Variants in PDZRN4 observed in about 807,000 individuals in gnomAD.
PDZRN4 encodes the protein PDZ domain-containing RING finger protein 4.
PDZRN4 carries 70 observed loss-of-function variants against 99.0 expected under a neutral mutation model. That is an observed-to-expected ratio of 0.71 (90% CI 0.58 to 0.86). The LOEUF is 0.86. PDZRN4 is among the 40% of genes least tolerant of loss of function. The pLI, the probability that PDZRN4 is intolerant of heterozygous loss-of-function variation, is 0.00. For synonymous variants in PDZRN4, 551 were observed against 501.6 expected (o/e 1.10, Z -1.32); for missense variants, 1,474 against 1,331.2 (o/e 1.11, Z -1.67).
At chr12:41,250,956 T>C (rs545849751) in intron 3 of PDZRN4, among the ~76,000 whole-genome samples, 20 of 152,350 alleles carry the variant, frequency 1.3e-4, no homozygotes, top group African/African-American at 4.6e-4. Context: ...CCACTTTTAC[T>C]TTGACTGGAC....
intron 3 of PDZRN4, among the ~76,000 whole-genome samples, chr12:41,349,963 G>GGTAC (rs112564546): frequency 0.026 from 3,960 of 151,646 alleles, 180 homozygotes; most frequent in African/African-American, 0.089. Flanking sequence ...TGGAGTAAAG[G>GGTAC]GTACAGGAGC....
intron 3 of PDZRN4, among the ~76,000 whole-genome samples, chr12:41,270,320 G>A (rs1263044407): frequency 1.5e-5 from 2 of 132,066 alleles, no homozygotes; most frequent in Admixed American, 7.3e-5. Context: ...TGGTGTGTGT[G>A]TGTGTCTGTG....
At chr12:41,535,908 G>A (rs575549065) in intron 5 of PDZRN4, among the ~76,000 whole-genome samples, 4 of 152,246 alleles carry the variant, frequency 2.6e-5, no homozygotes, top group African/African-American at 9.6e-5. Flanking sequence ...ACCCAGTCTT[G>A]ATATTCTGTC....
At chr12:41,566,984 A>G (rs189527520) in intron 8 of PDZRN4, among the ~76,000 whole-genome samples, 10 of 152,260 alleles carry the variant, frequency 6.6e-5, no homozygotes, top group Admixed American at 2.6e-4. Flanking sequence ...CCAGTTTTCC[A>G]CTTCACTTTG....
intron 3 of PDZRN4, among the ~76,000 whole-genome samples, chr12:41,464,820 CTTTTTTTTT>C (rs5797739): frequency 9.5e-6 from 1 of 104,842 alleles, no homozygotes; most frequent in South Asian, 3.2e-4. Context: ...GCCTGTTGTA[CTTTTTTTTT>C]TTTTTTTTTT....
rs1382910802 is a variant in PDZRN4 at position 41,247,164 on chromosome 12, AG to A, written c.843+52978del. 2.6e-5 allele frequency among the ~76,000 whole-genome samples: 4 copies of A among 152,334 alleles called. No individual in the cohort carries two copies. The East Asian group carries it at 7.7e-4, about 29-fold the overall frequency. On this transcript the variant is annotated intron_variant, in intron 3 of 9. Coordinates refer to ENST00000402685, the MANE Select transcript of PDZRN4 (RefSeq NM_001164595.2). Reference sequence around the variant, plus strand: ...TTAATACCAAAATAATCATGGTCCAAGGTACAACATAAGTAAAAATGTTTAG... The same window carrying A: ...TTAATACCAAAATAATCATGGTCCAAGTACAACATAAGTAAAAATGTTTAG...
At position 41,188,711 on chromosome 12, in the gene PDZRN4, C is replaced by A. The variant is rs868772678; in HGVS notation, c.256C>A (p.Arg86Ser). 9 of 1,556,960 alleles carry A rather than the reference C, an allele frequency of 5.8e-6. No homozygotes were observed. Among genetic ancestry groups the A allele is most frequent in the Non-Finnish European group, 7.7e-6 (9 of 1,162,034 alleles). The change falls in exon 1 of 10, where the codon CGC becomes AGC. Residue 86 changes from arginine to serine, a missense_variant. Physicochemically the swap from Arg to Ser is moderately radical, Grantham distance 110. Coordinates refer to ENST00000402685, the MANE Select transcript of PDZRN4 (RefSeq NM_001164595.2). ...GCGAGTCCAGTGCGACTACCGCGCC[C>A]GCGGCTGCGGCCACTCGGTCAGGCT... The part of the protein sequence containing the change: ...KLRVQCDYRA[R>S]GCGHSVRLHE...
At chr12:41,345,642 T>G (rs1997192) in intron 3 of PDZRN4, among the ~76,000 whole-genome samples, 131,870 of 152,160 alleles carry the variant, frequency 0.87, 57,759 homozygotes, top group Middle Eastern at 0.95. Flanking sequence ...ATCTACTTCT[T>G]TTGGGATAGA....
rs375964031 is a variant in PDZRN4 at position 41,509,789 on chromosome 12, C to T, written c.1101-22C>T. 5.5e-5 allele frequency: 61 copies of T among 1,100,570 alleles called. No individual in the cohort carries two copies. In the African/African-American group the frequency reaches 7.0e-4, roughly 13 times the overall value. The allele number at this position is 1,100,570 out of a possible 1,614,324, so 68.2% of individuals were successfully genotyped here. Reference sequence around the variant, plus strand: ...AACAACCCATTTAATCTATTCCTATCATATTGCTACATTCCCCATAGCTGC... The same window carrying T: ...AACAACCCATTTAATCTATTCCTATTATATTGCTACATTCCCCATAGCTGC... On this transcript the variant is annotated intron_variant, in intron 4 of 9. Coordinates refer to ENST00000402685, the MANE Select transcript of PDZRN4 (RefSeq NM_001164595.2).
At chr12:41,384,357 T>C (rs1952150396) in intron 3 of PDZRN4, among the ~76,000 whole-genome samples, 1 of 152,180 alleles carries the variant, frequency 6.6e-6, no homozygotes, top group African/African-American at 2.4e-5. Context: ...AATATCCTCC[T>C]TACTCAGTGT....
chr12:41,411,068 T>TATATATATATA (rs1555141008), intron 3 of PDZRN4, among the ~76,000 whole-genome samples: 5 of 84,002 alleles, frequency 6.0e-5, no homozygotes, highest in African/African-American at 3.1e-4. Flanking sequence ...TATATATATA[T>TATATATATATA]TTTTTTTTTA....
intron 3 of PDZRN4, among the ~76,000 whole-genome samples, chr12:41,362,450 T>G (rs1463478019): frequency 2.4e-5 from 1 of 41,746 alleles, no homozygotes; most frequent in Non-Finnish European, 1.1e-4. Flanking sequence ...TAAGCTTGAA[T>G]TTTTGTCTAA....
intron 3 of PDZRN4, among the ~76,000 whole-genome samples, chr12:41,211,662 G>T (rs1048771109): frequency 1.3e-5 from 2 of 151,874 alleles, no homozygotes; most frequent in Admixed American, 6.6e-5. Flanking sequence ...ACACTCTGCC[G>T]ATTTGATAAT....
rs773286399 is a variant in PDZRN4 at position 41,552,724 on chromosome 12, TGAA to T, written c.1278_1280del (p.Glu426del). The T allele has an allele frequency of 1.9e-5, 30 of 1,613,690 alleles. No homozygotes were observed. Among genetic ancestry groups the T allele is most frequent in the Non-Finnish European group, 2.5e-5 (29 of 1,179,694 alleles). On this transcript the variant is annotated inframe_deletion, in exon 6 of 10. Coordinates refer to ENST00000402685, the MANE Select transcript of PDZRN4 (RefSeq NM_001164595.2). ...TGACAGTCTGTTACCGAACAGATGA[TGAA>T]GAAGACACCGGCATTTATGTCAGCG...
intron 3 of PDZRN4, among the ~76,000 whole-genome samples, chr12:41,230,123 T>G (rs1008886044): frequency 2.0e-5 from 3 of 151,974 alleles, no homozygotes; most frequent in Non-Finnish European, 4.4e-5. Flanking sequence ...ACATTGCTGC[T>G]GGGGAGGGCA....
At chr12:41,234,548 GT>G (rs1188487447) in intron 3 of PDZRN4, among the ~76,000 whole-genome samples, 2 of 152,094 alleles carry the variant, frequency 1.3e-5, no homozygotes, top group Non-Finnish European at 2.9e-5. Flanking sequence ...AAGACAGACT[GT>G]TTAATGATGG....
chr12:41,214,452 T>TAAAAAAAAAAAAAAAAA (rs1555216889), intron 3 of PDZRN4, among the ~76,000 whole-genome samples: 2 of 53,084 alleles, frequency 3.8e-5, no homozygotes, highest in Admixed American at 2.3e-4. Flanking sequence ...AAAAAAAAAG[T>TAAAAAAAAAAAAAAAAA]TATCTATTTG....
chr12:41,519,121 G>A (rs1243595709), intron 5 of PDZRN4, among the ~76,000 whole-genome samples: 3 of 151,834 alleles, frequency 2.0e-5, no homozygotes, highest in African/African-American at 7.3e-5. Flanking sequence ...AAAAAAAACA[G>A]ATAAGTTTTA....
At chr12:41,271,545 A>AGG in intron 3 of PDZRN4, among the ~76,000 whole-genome samples, 1 of 152,278 alleles carries the variant, frequency 6.6e-6, no homozygotes, top group Admixed American at 6.5e-5. Flanking sequence ...TTAAAATGCT[A>AGG]GCCTCCTGGC....
Sources: allele counts gnomAD v4.1 joint callset (sites outside exome capture counted in the v4.1 genomes callset), GRCh38; gene constraint gnomAD v4.1.1; transcripts MANE v1.5; gene names NCBI Gene and HGNC (gene_info 2026-07-23, HGNC 2026-07-21).